RSBN1: variants seen among roughly 807,000 people sequenced by gnomAD.
The protein encoded by RSBN1 is lysine-specific demethylase 9.
RSBN1 carries 23 observed loss-of-function variants against 74.8 expected under a neutral mutation model. That is an observed-to-expected ratio of 0.31 (90% CI 0.22 to 0.44). The LOEUF (loss-of-function observed/expected upper bound fraction) is 0.44, where lower values mean the gene tolerates loss of function less well. Among genes scored for constraint, RSBN1 ranks in the 20% least tolerant of loss-of-function variants. The pLI, the probability that RSBN1 is intolerant of heterozygous loss-of-function variation, is 1.00. For missense variants in RSBN1, 808 were observed against 1,020.9 expected, an observed-to-expected ratio of 0.79 and a Z score of 2.84; for synonymous variants, 407 against 379.6, an observed-to-expected ratio of 1.07 and a Z score of -0.84.
In RSBN1 at chr1:113,798,554, G is replaced by T. The variant is rs550370894; in HGVS notation, c.704-518C>A. On this transcript the variant is annotated intron_variant, in intron 1 of 6. Transcript: ENST00000261441. ...TTCCTATCAAGTTGGCAAAGTCTGC[G>T]GTTTCTGGTCATTCTCAACTACTAC... Among the ~76,000 whole-genome samples, 396 of 152,176 alleles carry T rather than the reference G, an allele frequency of 2.6e-3. 2 individuals are homozygous for T. The highest frequency in any genetic ancestry group is 4.3e-3 in the Non-Finnish European group (290 of 67,990).
chr1:113,766,117 A>C lies in RSBN1; in HGVS notation c.2272T>G (p.Ser758Ala), dbSNP rs763229370. The C allele has an allele frequency of 6.2e-7, 1 of 1,614,082 alleles. No homozygotes were observed. Among genetic ancestry groups the C allele is most frequent in the South Asian group, 1.1e-5 (1 of 91,086 alleles). ...TEIQLLTTAS[S>A]SFPPASELNL... ...AGTTCTGATGCAGGTGGGAAAGATG[A>C]TGAAGCAGTTGTTAACAGCTGAATC... Residue 758 changes from serine to alanine, a missense_variant, in exon 7 of 7, where the codon TCA becomes GCA. Coordinates refer to ENST00000261441, the MANE Select transcript of RSBN1 (RefSeq NM_018364.5).
Position 113,768,266 on chromosome 1 carries a change from A to G in RSBN1, c.1782T>C (p.Ser594=), listed in dbSNP as rs1215107856. The change falls in exon 5 of 7, where the codon AGT becomes AGC. Residue 594 remains serine (S), a synonymous_variant. Transcript: ENST00000261441. ...CTTTCAAAACTCCAACAGCAGCCGTACTCTGCCAGTCAAACCCCTGACCGA... is the reference window on the plus strand; with the variant it reads ...CTTTCAAAACTCCAACAGCAGCCGTGCTCTGCCAGTCAAACCCCTGACCGA... ...DHVGQGFDWQ[S]TAAVGVLKAV... The G allele has an allele frequency of 1.2e-6, 2 of 1,613,244 alleles. No individual in the cohort carries two copies.
At chr1:113,773,132 C>A (rs1367635156) in intron 4 of RSBN1, among the ~76,000 whole-genome samples, 8 of 151,796 alleles carry the variant, frequency 5.3e-5, no homozygotes, top group Non-Finnish European at 1.2e-4. Context: ...GGGATTTTTA[C>A]AAAAGAAAAA....
intron 1 of RSBN1, among the ~76,000 whole-genome samples, chr1:113,809,843 T>C (rs201144384): frequency 3.9e-5 from 6 of 152,200 alleles, no homozygotes; most frequent in Admixed American, 6.5e-5. Context: ...TCCTCAATCA[T>C]GCCACATTTC....
At chr1:113,791,516 A>G (rs2101812527) in intron 2 of RSBN1, among the ~76,000 whole-genome samples, 1 of 152,304 alleles carries the variant, frequency 6.6e-6, no homozygotes, top group African/African-American at 2.4e-5. Flanking sequence ...GGGGGTTGAG[A>G]GCGGGTGTGG....
At position 113,797,999 on chromosome 1, in the gene RSBN1, A is replaced by G; in HGVS notation, c.741T>C (p.Asp247=). The G allele has an allele frequency of 1.9e-6, 3 of 1,610,514 alleles. No individual in the cohort carries two copies. Among genetic ancestry groups the G allele is most frequent in the South Asian group, 1.1e-5 (1 of 90,760 alleles). Residue 247 remains aspartate (D), a synonymous_variant, in exon 2 of 7, where the codon GAT becomes GAC. Transcript: ENST00000261441. ...PDENGKTQRA[D]DFVLKKIKKK... is the part of the protein sequence containing the mutation. ...TCTTTATTTTCTTCAAGACAAAATC[A>G]TCGGCTCTCTGGGTTTTACCATTTT...
intron 1 of RSBN1, among the ~76,000 whole-genome samples, chr1:113,805,142 G>C (rs1660677015): frequency 6.6e-6 from 1 of 151,388 alleles, no homozygotes; most frequent in Non-Finnish European, 1.5e-5. Context: ...TTGAAACGGA[G>C]TCTGACTCTG....
At chr1:113,795,594 A>G (rs1660454670) in intron 2 of RSBN1, among the ~76,000 whole-genome samples, 1 of 152,194 alleles carries the variant, frequency 6.6e-6, no homozygotes, top group Non-Finnish European at 1.5e-5. Context: ...ACAGTCCTCA[A>G]TATTCTTATG....
chr1:113,798,182 C>A, intron 1 of RSBN1, 146 bp from the exon 2 acceptor site: 1 of 654,240 alleles, frequency 1.5e-6, no homozygotes. Flanking sequence ...ACAAATGAGA[C>A]AGAGATCTTA....
At chr1:113,773,506 G>A (rs184281615) in intron 4 of RSBN1, among the ~76,000 whole-genome samples, 2 of 151,934 alleles carry the variant, frequency 1.3e-5, no homozygotes, top group African/African-American at 2.4e-5. Flanking sequence ...CTGGGTGACA[G>A]AGCAAGACTC....
At chr1:113,791,713 G>GA (rs562531985) in intron 2 of RSBN1, among the ~76,000 whole-genome samples, 5 of 146,014 alleles carry the variant, frequency 3.4e-5, no homozygotes, top group South Asian at 2.1e-4. Flanking sequence ...AAAATAAGAG[G>GA]AAAAAAAAAA....
Position 113,764,707 on chromosome 1 carries a change from G to T in RSBN1, c.*1273C>A, listed in dbSNP as rs1191659103. On this transcript the variant is annotated 3_prime_UTR_variant, in exon 7 of 7. Coordinates refer to ENST00000261441, the MANE Select transcript of RSBN1 (RefSeq NM_018364.5). ...ATCTCCAAATTGCACTGTAACCAGG[G>T]AGATATAAGAATCTGGTCTTAGGTG... 1 of 150,882 alleles carries T rather than the reference G, an allele frequency of 6.6e-6. No homozygotes were observed. The highest frequency in any genetic ancestry group is 1.5e-5 in the Non-Finnish European group (1 of 67,778). The allele number at this position is 150,882 out of a possible 1,614,324, so 9.3% of individuals were successfully genotyped here.
In RSBN1 at chr1:113,811,563, C is replaced by A. The variant is rs570066153; in HGVS notation, c.703+147G>T. 20 of 1,315,112 alleles carry A rather than the reference C, an allele frequency of 1.5e-5. No individual in the cohort carries two copies. The African/African-American group carries it at 3.0e-4, about 20-fold the overall frequency. The allele number at this position is 1,315,112 out of a possible 1,614,324, so 81.5% of individuals were successfully genotyped here. A position where few individuals can be genotyped will look rare whatever the true frequency, so the allele number is the denominator to read the frequency against. On this transcript the variant is annotated intron_variant, in intron 1 of 6. Transcript: ENST00000261441. ...AGTTAGATCAAACCGTGTCAACGATCTGAAATCCAGGGTCCACCCCAGTGA... is the reference window on the plus strand; with the variant it reads ...AGTTAGATCAAACCGTGTCAACGATATGAAATCCAGGGTCCACCCCAGTGA...
At chr1:113,801,759 A>G (rs982471899) in intron 1 of RSBN1, among the ~76,000 whole-genome samples, 1 of 152,226 alleles carries the variant, frequency 6.6e-6, no homozygotes, top group East Asian at 1.9e-4. Flanking sequence ...ATAAAGAGAA[A>G]TACATAATTC....
intron 4 of RSBN1, among the ~76,000 whole-genome samples, chr1:113,774,011 T>TA (rs921076918): frequency 1.5e-4 from 23 of 150,796 alleles, no homozygotes; most frequent in South Asian, 1.5e-3. Context: ...CAAAAAATAT[T>TA]AAAAAAAAAG....
intron 2 of RSBN1, among the ~76,000 whole-genome samples, chr1:113,796,775 C>T (rs985913479): frequency 1.6e-4 from 25 of 152,334 alleles, no homozygotes; most frequent in African/African-American, 5.8e-4. Flanking sequence ...AAGAAGCAGA[C>T]GTTTCCCTGC....
In RSBN1 at chr1:113,797,816, G is replaced by A; in HGVS notation, c.924C>T (p.Ser308=). The change falls in exon 2 of 7, where the codon TCC becomes TCT. Residue 308 remains serine, a synonymous_variant. Transcript: ENST00000261441. Reference sequence around the variant, plus strand: ...GCTGTTCATCTTTCAGATACCTGAAGGACTCCTTATTAAGTCCTGAAGTGC... The same window carrying A: ...GCTGTTCATCTTTCAGATACCTGAAAGACTCCTTATTAAGTCCTGAAGTGC... The part of the protein sequence containing the change: ...INSTSGLNKE[S]FRYLKDEQLC... The A allele has an allele frequency of 6.2e-7, 1 of 1,614,016 alleles. No homozygotes were observed. The highest frequency in any genetic ancestry group is 1.1e-5 in the South Asian group (1 of 91,066).
chr1:113,796,757 C>A (rs923132007), intron 2 of RSBN1, among the ~76,000 whole-genome samples: 3 of 152,068 alleles, frequency 2.0e-5, no homozygotes, highest in Non-Finnish European at 4.4e-5. Context: ...TGGTTAAAAC[C>A]ACTGGTTAAG....
Position 113,787,477 on chromosome 1 carries a change from G to A in RSBN1, c.1378-9669C>T, listed in dbSNP as rs1660268167. Among the ~76,000 whole-genome samples, 2 of 152,102 alleles carry A rather than the reference G, an allele frequency of 1.3e-5. 1 individual carries two copies. Among genetic ancestry groups the A allele is most frequent in the South Asian group, 4.1e-4 (2 of 4,832 alleles). On this transcript the variant is annotated intron_variant, in intron 2 of 6. Coordinates refer to ENST00000261441, the MANE Select transcript of RSBN1 (RefSeq NM_018364.5). ...CATGCAACTAAAAACAAAAAAGGTG[G>A]GTTTAAAATCTGCTTGAGTCAGTGA...
Sources: allele counts gnomAD v4.1 joint callset (sites outside exome capture counted in the v4.1 genomes callset), GRCh38; gene constraint gnomAD v4.1.1; transcripts MANE v1.5; gene names NCBI Gene and HGNC (gene_info 2026-07-23, HGNC 2026-07-21).